The following IRAK4 variants were observed in gnomAD, a reference collection of about 807,000 sequenced individuals.
IRAK4 encodes interleukin 1 receptor associated kinase 4.
A neutral mutation model predicts 51.8 loss-of-function variants in IRAK4; 44 were observed. That is an observed-to-expected ratio of 0.85 (90% CI 0.67 to 1.09). IRAK4 has a LOEUF of 1.09. Among genes scored for constraint, IRAK4 ranks in the 50% least tolerant of loss-of-function variants. The probability of loss-of-function intolerance (pLI) is 0.00; values close to 1 mark genes in which losing one functional copy is unlikely to be tolerated. For missense variants in IRAK4, 487 were observed against 538.0 expected (o/e 0.91, Z 0.94); for synonymous variants, 149 against 174.1 (o/e 0.86, Z 1.13).
Position 43,786,508 on chromosome 12 carries a change from C to T in IRAK4, c.1298C>T (p.Ala433Val). Residue 433 changes from alanine (A) to valine (V), a missense_variant, in exon 11 of 12, where the codon GCT (alanine) becomes GTT (valine). Physicochemically the swap from Ala to Val is moderately conservative, Grantham distance 64. Transcript: ENST00000613694. ...STSVEAMYSV[A>V]SQCLHEKKNK... ...TCAGTTGAAGCTATGTACTCTGTTG[C>T]TAGTCAATGTCTGCATGAAAAGAAA... 1.2e-6 allele frequency: 2 copies of T among 1,613,342 alleles called. No homozygotes were observed.
intron 5 of IRAK4, among the ~76,000 whole-genome samples, chr12:43,773,522 TTTAC>T (rs1288887341): frequency 1.3e-5 from 2 of 152,324 alleles, no homozygotes; most frequent in Admixed American, 6.5e-5. Context: ...GTGTTTACCT[TTTAC>T]TTACTTGTTA....
chr12:43,774,981 C>T (rs1175427254), intron 6 of IRAK4, among the ~76,000 whole-genome samples: 5 of 152,174 alleles, frequency 3.3e-5, no homozygotes, highest in African/African-American at 9.7e-5. Context: ...AATAGCTTGT[C>T]CAAGATCACA....
chr12:43,782,533 A>G (rs1188392376), intron 9 of IRAK4, 43 bp downstream of exon 9: 1 of 1,459,384 alleles, frequency 6.9e-7, no homozygotes, highest in South Asian at 1.2e-5. Flanking sequence ...TCATTCTGCT[A>G]TAATTGTGAA....
At chr12:43,764,345 A>G (rs536809925) in intron 1 of IRAK4, among the ~76,000 whole-genome samples, 1 of 152,280 alleles carries the variant, frequency 6.6e-6, no homozygotes, top group South Asian at 2.1e-4. Flanking sequence ...AATCGCTTAA[A>G]CCTGGGAGGC....
At chr12:43,784,740 GAGA>G (rs1182785992) in intron 10 of IRAK4, among the ~76,000 whole-genome samples, 1 of 152,052 alleles carries the variant, frequency 6.6e-6, no homozygotes, top group Non-Finnish European at 1.5e-5. Context: ...TAAATCTTTG[GAGA>G]AGGTTTTACT....
At position 43,762,092 on chromosome 12, in the gene IRAK4, A is replaced by C. The variant is rs539212456; in HGVS notation, c.-10+3076A>C. On this transcript the variant is annotated intron_variant, in intron 1 of 11. Transcript: ENST00000613694. ...ATTGAAAATTCAGAAAAGCAAAATGAAAACAAAACTATCATAAAAGTCATC... is the reference window on the plus strand; with the variant it reads ...ATTGAAAATTCAGAAAAGCAAAATGCAAACAAAACTATCATAAAAGTCATC... 1.4e-4 allele frequency among the ~76,000 whole-genome samples: 21 copies of C among 152,346 alleles called. No homozygotes were observed. The South Asian group carries it at 4.1e-3, about 30-fold the overall frequency.
At chr12:43,769,780 T>C (rs142453293) in intron 2 of IRAK4, among the ~76,000 whole-genome samples, 3 of 152,350 alleles carry the variant, frequency 2.0e-5, no homozygotes, top group Non-Finnish European at 4.4e-5. Context: ...ATAATAATGG[T>C]ACAAAATGCT....
At chr12:43,760,011 C>T (rs898304278) in intron 1 of IRAK4, among the ~76,000 whole-genome samples, 5 of 152,154 alleles carry the variant, frequency 3.3e-5, no homozygotes, top group African/African-American at 1.2e-4. Context: ...CTAAAATCTG[C>T]CTTTTCCCTT....
At position 43,782,564 on chromosome 12, in the gene IRAK4, A is replaced by T. The variant is rs1048620672; in HGVS notation, c.1125+74A>T. ...GTGAAAATGAAGAGAATATTATTTA[A>T]TACACCCATCTTGTTTATCTCTCTT... is the stretch of plus-strand genomic sequence containing the variant. On this transcript the variant is annotated intron_variant, in intron 9 of 11. Coordinates refer to ENST00000613694, the MANE Select transcript of IRAK4 (RefSeq NM_016123.4). The T allele has an allele frequency of 4.2e-6, 5 of 1,191,564 alleles. No individual in the cohort carries two copies. The South Asian group carries it at 6.6e-5, about 16-fold the overall frequency. 73.8% of individuals were successfully genotyped at this position (1,191,564 alleles called of 1,614,324 possible).
At position 43,788,859 on chromosome 12, in the gene IRAK4, C is replaced by G. The variant is rs1942380812; in HGVS notation, c.*2144C>G. ...GCTGGGTTTCAGACTTGCCAGGATC[C>G]TGTTGCCCCTTTCTTTAGCCAATTT... On this transcript the variant is annotated 3_prime_UTR_variant, in exon 12 of 12. Transcript: ENST00000613694. 1 of 152,146 alleles carries G rather than the reference C, an allele frequency of 6.6e-6. No individual in the cohort carries two copies. The highest frequency in any genetic ancestry group is 6.5e-5 in the Admixed American group (1 of 15,282). The allele number at this position is 152,146 out of a possible 1,614,324, so 9.4% of individuals were successfully genotyped here.
At chr12:43,778,796 A>G (rs940866270) in intron 8 of IRAK4, among the ~76,000 whole-genome samples, 17 of 151,836 alleles carry the variant, frequency 1.1e-4, no homozygotes, top group African/African-American at 3.9e-4. Flanking sequence ...TATTATTATT[A>G]TATAGTATAG....
chr12:43,771,591 G>C (rs888879326), intron 3 of IRAK4, among the ~76,000 whole-genome samples: 2 of 152,168 alleles, frequency 1.3e-5, no homozygotes, highest in Admixed American at 6.5e-5. Context: ...AGATAGTTTT[G>C]TGCCAACAGG....
At chr12:43,765,710 A>G (rs1269362165) in intron 1 of IRAK4, among the ~76,000 whole-genome samples, 1 of 151,948 alleles carries the variant, frequency 6.6e-6, no homozygotes, top group Non-Finnish European at 1.5e-5. Flanking sequence ...CCCCTTATAT[A>G]TGAGAATACT....
chr12:43,768,067 A>T, intron 1 of IRAK4, 36 bp from the exon 2 acceptor site: 1 of 1,498,170 alleles, frequency 6.7e-7, no homozygotes, highest in Non-Finnish European at 9.3e-7. Context: ...CTCTAAAAGT[A>T]CTGTAAAATT....
chr12:43,781,852 A>G (rs1941803395), intron 8 of IRAK4, among the ~76,000 whole-genome samples: 2 of 152,230 alleles, frequency 1.3e-5, no homozygotes, highest in Admixed American at 1.3e-4. Flanking sequence ...GTACAGAACA[A>G]AAGAATAAAG....
At position 43,782,361 on chromosome 12, in the gene IRAK4, T is replaced by C; in HGVS notation, c.996T>C (p.Leu332=). 1 of 1,613,912 alleles carries C rather than the reference T, an allele frequency of 6.2e-7. No individual in the cohort carries two copies. The highest frequency in any genetic ancestry group is 8.5e-7 in the Non-Finnish European group (1 of 1,179,782). The stretch of plus-strand genomic sequence containing the variant: ...CTGCTAAAATATCTGACTTTGGCCT[T>C]GCACGGGCTTCTGAGAAGTTTGCCC... ...AFTAKISDFG[L]ARASEKFAQT... The change falls in exon 9 of 12, where the codon CTT becomes CTC. Residue 332 remains leucine (L), a synonymous_variant. Transcript: ENST00000613694.
At chr12:43,771,888 G>A (rs1447299441) in intron 3 of IRAK4, among the ~76,000 whole-genome samples, 1 of 152,114 alleles carries the variant, frequency 6.6e-6, no homozygotes, top group Non-Finnish European at 1.5e-5. Flanking sequence ...CCAAATCTAT[G>A]TAATCAGAAT....
Position 43,777,726 on chromosome 12 carries a change from A to C in IRAK4, c.813A>C (p.Leu271=), listed in dbSNP as rs1215330751. The change falls in exon 7 of 12, where the codon CTA becomes CTC. Residue 271 remains leucine (L), a synonymous_variant. Coordinates refer to ENST00000613694, the MANE Select transcript of IRAK4 (RefSeq NM_016123.4). ...VYVYMPNGSL[L]DRLSCLDGTP... ...TTTACATGCCTAATGGTTCATTGCT[A>C]GACAGACTCTCTTGCTTGGTAAGCT... 7 of 1,612,384 alleles carry C rather than the reference A, an allele frequency of 4.3e-6. No homozygotes were observed. The South Asian group carries it at 6.6e-5, about 15-fold the overall frequency.
intron 2 of IRAK4, 161 bp downstream of exon 2, chr12:43,768,433 G>A: frequency 1.7e-6 from 1 of 604,220 alleles, no homozygotes; most frequent in East Asian, 2.8e-5. Flanking sequence ...TCCTTTTGCA[G>A]TTTTGTCTTC....
Sources: gnomAD v4.1 joint callset for allele counts (sites outside exome capture counted in the v4.1 genomes callset) on GRCh38, gnomAD v4.1.1 for gene constraint, MANE v1.5 for transcripts, NCBI Gene and HGNC (gene_info 2026-07-23, HGNC 2026-07-21) for gene names.